Variants in ANKLE1 observed in about 807,000 individuals in gnomAD.
ANKLE1 encodes structure-specific endonuclease ANKLE1.
In ANKLE1, 59 loss-of-function variants were observed where a neutral mutation model predicts 56.2. The observed-to-expected ratio is 1.05, with a 90% confidence interval of 0.85 to 1.30. ANKLE1 has a LOEUF of 1.30. Ranked by LOEUF, ANKLE1 falls within the 50% of genes most tolerant of loss-of-function variation. ANKLE1 has a pLI of 0.00. For synonymous variants in ANKLE1, 341 were observed against 352.9 expected, an observed-to-expected ratio of 0.97 and a Z score of 0.38; for missense variants, 771 against 816.1, an observed-to-expected ratio of 0.94 and a Z score of 0.67.
At position 17,282,646 on chromosome 19, in the gene ANKLE1, G is replaced by A. The variant is rs1362404393; in HGVS notation, c.216-10G>A. 1 of 1,533,532 alleles carries A rather than the reference G, an allele frequency of 6.5e-7. No individual in the cohort carries two copies. Among genetic ancestry groups the A allele is most frequent in the African/African-American group, 1.4e-5 (1 of 72,950 alleles). The allele number at this position is 1,533,532 out of a possible 1,614,324, so 95.0% of individuals were successfully genotyped here. A position where few individuals can be genotyped will look rare whatever the true frequency, so the allele number is the denominator to read the frequency against. ...AGTCCGCAATGACCCCTCTTGCGCT[G>A]CCGCCCCAGATCTGTCGAGGCACTG... On this transcript the variant is annotated splice_polypyrimidine_tract_variant and intron_variant, in intron 2 of 8. Coordinates refer to ENST00000404085, the MANE Select transcript of ANKLE1 (RefSeq NM_152363.6).
At chr19:17,284,706 G>A (rs1374099536) in intron 6 of ANKLE1, among the ~76,000 whole-genome samples, 1 of 12,126 alleles carries the variant, frequency 8.2e-5, no homozygotes, top group Non-Finnish European at 3.0e-4. Context: ...TTTTTTTTGA[G>A]GCGGAGTCTC....
At position 17,286,647 on chromosome 19, in the gene ANKLE1, GGTGT is replaced by G. The variant is rs58535756; in HGVS notation, c.*136_*139del. 25,444 of 1,405,208 alleles carry G rather than the reference GGTGT, an allele frequency of 0.018. 140 individuals are homozygous for G. The highest frequency in any genetic ancestry group is 0.096 in the East Asian group (3,013 of 31,246). The allele number at this position is 1,405,208 out of a possible 1,614,324, so 87.0% of individuals were successfully genotyped here. A position where few individuals can be genotyped will look rare whatever the true frequency, so the allele number is the denominator to read the frequency against. Reference sequence around the variant, plus strand: ...AGCCCCCATCTCTGGTTTCAGAAGGGGTGTGTGTGTGTGTGTGTGTGTGTGTGTG... The same window carrying G: ...AGCCCCCATCTCTGGTTTCAGAAGGGGTGTGTGTGTGTGTGTGTGTGTGTG... On this transcript the variant is annotated 3_prime_UTR_variant, in exon 9 of 9. Transcript: ENST00000404085.
intron 6 of ANKLE1, 58 bp from the exon 7 acceptor site, chr19:17,285,373 C>T: frequency 3.7e-6 from 6 of 1,601,066 alleles, no homozygotes; most frequent in African/African-American, 1.3e-5. Flanking sequence ...ACTTTAAGGA[C>T]TGCCTCTGGG....
At chr19:17,285,906 A>G in intron 8 of ANKLE1, 87 bp downstream of exon 8, 1 of 1,537,454 alleles carries the variant, frequency 6.5e-7, no homozygotes, top group Non-Finnish European at 8.8e-7. Flanking sequence ...AGGGGTGTTC[A>G]TTTGTTGACT....
At chr19:17,286,235 G>A (rs1378819405) in intron 8 of ANKLE1, 145 bp from the exon 9 acceptor site, 14 of 1,129,386 alleles carry the variant, frequency 1.2e-5, no homozygotes, top group African/African-American at 3.2e-5. Context: ...GGCTGGTCTC[G>A]AACTCCTGGC....
intron 4 of ANKLE1, 30 bp downstream of exon 4, chr19:17,283,032 T>A: frequency 6.5e-7 from 1 of 1,549,610 alleles, no homozygotes; most frequent in East Asian, 2.4e-5. Context: ...CTGCTGGGGC[T>A]TGACTTCTGG....
Position 17,286,838 on chromosome 19 carries a change from GC to G in ANKLE1, c.*287del. 1 of 1,273,920 alleles carries G rather than the reference GC, an allele frequency of 7.8e-7. No homozygotes were observed. Among genetic ancestry groups the G allele is most frequent in the Admixed American group, 3.6e-5 (1 of 27,742 alleles). The allele number at this position is 1,273,920 out of a possible 1,614,324, so 78.9% of individuals were successfully genotyped here. On this transcript the variant is annotated 3_prime_UTR_variant, in exon 9 of 9. Coordinates refer to ENST00000404085, the MANE Select transcript of ANKLE1 (RefSeq NM_152363.6). The stretch of plus-strand genomic sequence containing the variant: ...GAGGACAAGAAGGGAAGCAGAAGGT[GC>G]TTTGGAACAGTCCGGTGCTTCTGTA...
chr19:17,282,820 G>A (rs367689223), intron 3 of ANKLE1, 44 bp from the exon 4 acceptor site: 3 of 1,582,224 alleles, frequency 1.9e-6, no homozygotes, highest in African/African-American at 2.7e-5. Context: ...AGGGAAGGAA[G>A]GTAAGAGGGC....
In ANKLE1 at chr19:17,283,835, A is replaced by G. The variant is rs1401763270; in HGVS notation, c.1071A>G (p.Pro357=). The change falls in exon 5 of 9, where the codon CCA becomes CCG. Residue 357 remains proline, a synonymous_variant. Coordinates refer to ENST00000404085, the MANE Select transcript of ANKLE1 (RefSeq NM_152363.6). ...CTGTCGGCCCTTGCCGGCACCTGCC[A>G]GTCTCCACTGTGTCTGACTTGGAGT... ...REPVGPCRHL[P]VSTVSDLELL... The G allele has an allele frequency of 2.5e-6, 4 of 1,613,746 alleles. No homozygotes were observed. The highest frequency in any genetic ancestry group is 1.7e-6 in the Non-Finnish European group (2 of 1,179,900).
rs780332066 is a variant in ANKLE1, at chr19:17,286,664, GTGTGTGTGTGTGTGTGTGTGTGTGTGTT to G, written c.*134_*161del. The G allele has an allele frequency of 1.6e-4, 112 of 692,354 alleles. No homozygotes were observed. The African/African-American group carries it at 2.1e-3, about 13-fold the overall frequency. 42.9% of individuals were successfully genotyped at this position (692,354 alleles called of 1,614,324 possible). On this transcript the variant is annotated 3_prime_UTR_variant, in exon 9 of 9. Coordinates refer to ENST00000404085, the MANE Select transcript of ANKLE1 (RefSeq NM_152363.6). ...TCAGAAGGGGTGTGTGTGTGTGTGT[GTGTGTGTGTGTGTGTGTGTGTGTGTGTT>G]TGTGTGTGTGTGTGTGTGTGTAGGG...
rs1852877186 is a variant in ANKLE1 at position 17,281,915 on chromosome 19, C to CA, written c.-5dup. 1.1e-5 allele frequency: 17 copies of CA among 1,535,246 alleles called. No homozygotes were observed. The East Asian group carries it at 4.2e-4, about 38-fold the overall frequency. On this transcript the variant is annotated 5_prime_UTR_variant, in exon 1 of 9. Coordinates refer to ENST00000404085, the MANE Select transcript of ANKLE1 (RefSeq NM_152363.6). ...CCAGGCGGTGCGCTTCGGACCCAGC[C>CA]AGGGCATGTGCTCGGAGGCCCGCCT...
At chr19:17,286,354 T>G (rs770760279) in intron 8 of ANKLE1, 26 bp from the exon 9 acceptor site, 10 of 1,533,650 alleles carry the variant, frequency 6.5e-6, no homozygotes, top group Non-Finnish European at 8.8e-6. Flanking sequence ...TGGCTGCCCC[T>G]GTGACCCCAC....
chr19:17,282,648 C>A lies in ANKLE1; in HGVS notation c.216-8C>A. On this transcript the variant is annotated splice_polypyrimidine_tract_variant and splice_region_variant and intron_variant, in intron 2 of 8. Transcript: ENST00000404085. ...TCCGCAATGACCCCTCTTGCGCTGC[C>A]GCCCCAGATCTGTCGAGGCACTGAC... is the stretch of plus-strand genomic sequence containing the variant. 2 of 1,533,832 alleles carry A rather than the reference C, an allele frequency of 1.3e-6. No individual in the cohort carries two copies. The highest frequency in any genetic ancestry group is 1.7e-6 in the Non-Finnish European group (2 of 1,146,350).
Position 17,283,879 on chromosome 19 carries a change from C to T in ANKLE1, c.1115C>T (p.Ala372Val). 1 of 1,613,636 alleles carries T rather than the reference C, an allele frequency of 6.2e-7. No homozygotes were observed. The highest frequency in any genetic ancestry group is 8.5e-7 in the Non-Finnish European group (1 of 1,179,894). The change falls in exon 5 of 9, where the codon GCA becomes GTA. Residue 372 changes from alanine to valine, a missense_variant. Coordinates refer to ENST00000404085, the MANE Select transcript of ANKLE1 (RefSeq NM_152363.6). ...SDLELLKGLR[A>V]LGENPHPITP... is the part of the protein sequence containing the mutation. ...TTGGAGTTGCTGAAGGGACTCCGAG[C>T]ACTTGGTGAGAATCCTCACCCCATC...
Position 17,286,759 on chromosome 19 carries a change from T to C in ANKLE1, c.*207T>C, listed in dbSNP as rs1393760428. 1 of 1,435,620 alleles carries C rather than the reference T, an allele frequency of 7.0e-7. No homozygotes were observed. The highest frequency in any genetic ancestry group is 9.2e-7 in the Non-Finnish European group (1 of 1,091,156). 88.9% of individuals were successfully genotyped at this position (1,435,620 alleles called of 1,614,324 possible). A position where few individuals can be genotyped will look rare whatever the true frequency, so the allele number is the denominator to read the frequency against. On this transcript the variant is annotated 3_prime_UTR_variant, in exon 9 of 9. Transcript: ENST00000404085. ...TCCCCCAGGCTGAGAGAGGACTTTG[T>C]TACAGATGGTACTGCTGGAGAGGTA...
rs1395418964 is a variant in ANKLE1 at position 17,283,868 on chromosome 19, G to C, written c.1104G>C (p.Lys368Asn). Reference protein sequence around the residue: ...VSTVSDLELLKGLRALGENPH... With the variant: ...VSTVSDLELLNGLRALGENPH... Reference sequence around the variant, plus strand: ...CTGTGTCTGACTTGGAGTTGCTGAAGGGACTCCGAGCACTTGGTGAGAATC... The same window carrying C: ...CTGTGTCTGACTTGGAGTTGCTGAACGGACTCCGAGCACTTGGTGAGAATC... Residue 368 changes from lysine (K) to asparagine (N), a missense_variant, in exon 5 of 9, where the codon AAG (lysine) becomes AAC (asparagine). Transcript: ENST00000404085. 1 of 1,613,520 alleles carries C rather than the reference G, an allele frequency of 6.2e-7. No homozygotes were observed. The highest frequency in any genetic ancestry group is 8.5e-7 in the Non-Finnish European group (1 of 1,179,906).
Position 17,282,638 on chromosome 19 carries a change from C to T in ANKLE1, c.216-18C>T. The T allele has an allele frequency of 6.5e-7, 1 of 1,533,040 alleles. No homozygotes were observed. Among genetic ancestry groups the T allele is most frequent in the Non-Finnish European group, 8.7e-7 (1 of 1,145,714 alleles). 95.0% of individuals were successfully genotyped at this position (1,533,040 alleles called of 1,614,324 possible). A position where few individuals can be genotyped will look rare whatever the true frequency, so the allele number is the denominator to read the frequency against. On this transcript the variant is annotated intron_variant, in intron 2 of 8. Coordinates refer to ENST00000404085, the MANE Select transcript of ANKLE1 (RefSeq NM_152363.6). ...GGAGGCTGAGTCCGCAATGACCCCT[C>T]TTGCGCTGCCGCCCCAGATCTGTCG...
In ANKLE1 at chr19:17,282,142, G is replaced by T. The variant is rs2073979979; in HGVS notation, c.148G>T (p.Ala50Ser). 1.9e-6 allele frequency: 3 copies of T among 1,538,948 alleles called. No individual in the cohort carries two copies. The highest frequency in any genetic ancestry group is 8.7e-7 in the Non-Finnish European group (1 of 1,145,530). ...AGCGGCTGTGCACTTGGCGGCCGGAGCCCGGCACCCGCGCGGCCTGCGTTG... is the reference window on the plus strand; with the variant it reads ...AGCGGCTGTGCACTTGGCGGCCGGATCCCGGCACCCGCGCGGCCTGCGTTG... ...GAAAVHLAAG[A>S]RHPRGLRCLG... The change falls in exon 2 of 9, where the codon GCC becomes TCC. Residue 50 changes from alanine (A) to serine (S), a missense_variant. Transcript: ENST00000404085.
Position 17,283,542 on chromosome 19 carries a change from A to G in ANKLE1, c.778A>G (p.Arg260Gly). ...GLLHVVHANQ[R>G]VPRSQGTEAE... ...TCTGCATGTTGTCCATGCCAACCAG[A>G]GGGTACCTAGGTCTCAGGGCACGGA... The change falls in exon 5 of 9, where the codon AGG (arginine) becomes GGG (glycine). Residue 260 changes from arginine to glycine, a missense_variant. Physicochemically the swap from Arg to Gly is moderately radical, Grantham distance 125. Transcript: ENST00000404085. The G allele has an allele frequency of 6.2e-7, 1 of 1,612,910 alleles. No homozygotes were observed. Among genetic ancestry groups the G allele is most frequent in the African/African-American group, 1.3e-5 (1 of 74,994 alleles).
Sources: gnomAD v4.1 joint callset for allele counts (sites outside exome capture counted in the v4.1 genomes callset) on GRCh38, gnomAD v4.1.1 for gene constraint, MANE v1.5 for transcripts, NCBI Gene and HGNC (gene_info 2026-07-23, HGNC 2026-07-21) for gene names.